UBR4: variants seen among roughly 807,000 people sequenced by gnomAD.
UBR4 encodes ubiquitin protein ligase E3 component n-recognin 4, also known as E3 ubiquitin-protein ligase UBR4.
UBR4 carries 124 observed loss-of-function variants against 575.6 expected under a neutral mutation model. That is an observed-to-expected ratio of 0.22 (90% CI 0.19 to 0.25). UBR4 has a LOEUF of 0.25. Ranked by LOEUF, UBR4 falls within the 10% of genes least tolerant of loss-of-function variation. The probability of loss-of-function intolerance (pLI) is 1.00; values close to 1 mark genes in which losing one functional copy is unlikely to be tolerated. For missense variants in UBR4, 4,818 were observed against 6,478.8 expected (o/e 0.74, Z 8.80); for synonymous variants, 2,455 against 2,473.7 (o/e 0.99, Z 0.22).
intron 104 of UBR4, 81 bp downstream of exon 104, chr1:19,077,895 T>C (rs1251674098): frequency 1.9e-6 from 3 of 1,609,198 alleles, no homozygotes; most frequent in African/African-American, 1.3e-5. Context: ...GCCATGTGGG[T>C]GCTGAGGCAG....
intron 93 of UBR4, 75 bp downstream of exon 93, chr1:19,095,470 G>A (rs2077942206): frequency 2.2e-6 from 3 of 1,394,440 alleles, no homozygotes; most frequent in South Asian, 2.3e-5. Context: ...TTTCATCTGA[G>A]CCCAGAACTG....
Position 19,168,224 on chromosome 1 carries a change from T to C in UBR4, c.3742-40A>G, listed in dbSNP as rs191568471. On this transcript the variant is annotated intron_variant, in intron 27 of 105. Coordinates refer to ENST00000375254, the MANE Select transcript of UBR4 (RefSeq NM_020765.3). ...AGCAGATGTAAATGGATAGACCATC[T>C]ACCCTGGAAAAAATTCTCACATGGA... 200 of 1,485,154 alleles carry C rather than the reference T, an allele frequency of 1.3e-4. No individual in the cohort carries two copies. The East Asian group carries it at 4.0e-3, about 29-fold the overall frequency. The allele number at this position is 1,485,154 out of a possible 1,614,324, so 92.0% of individuals were successfully genotyped here. A position where few individuals can be genotyped will look rare whatever the true frequency, so the allele number is the denominator to read the frequency against.
chr1:19,162,334 A>C, intron 35 of UBR4, 86 bp downstream of exon 35: 10 of 1,480,052 alleles, frequency 6.8e-6, no homozygotes, highest in Non-Finnish European at 9.1e-6. Context: ...AGCTCACAGG[A>C]GGCTGGAAAA....
chr1:19,153,010 A>T lies in UBR4; in HGVS notation c.6832+291T>A, dbSNP rs1472153258. The stretch of plus-strand genomic sequence containing the variant: ...AACCAGCTGAAGAGGTCTATACTTC[A>T]ATCAGTTCTTCAGGGAAGTCATTCT... On this transcript the variant is annotated intron_variant, in intron 46 of 105. Coordinates refer to ENST00000375254, the MANE Select transcript of UBR4 (RefSeq NM_020765.3). This position sits in a 1 kb window ranked among gnomAD's most constrained non-coding sequence, Gnocchi z 4.1. Among the ~76,000 whole-genome samples, 2 of 152,198 alleles carry T rather than the reference A, an allele frequency of 1.3e-5. No individual in the cohort carries two copies. The highest frequency in any genetic ancestry group is 1.3e-4 in the Admixed American group (2 of 15,278).
At chr1:19,091,282 T>C (rs1353964455) in intron 97 of UBR4, among the ~76,000 whole-genome samples, 4 of 152,098 alleles carry the variant, frequency 2.6e-5, no homozygotes, top group East Asian at 1.9e-4. Context: ...CACAAATATA[T>C]ACAATTATGA....
chr1:19,112,444 G>A (rs1025582884), intron 78 of UBR4, 80 bp downstream of exon 78: 2 of 1,477,682 alleles, frequency 1.4e-6, no homozygotes, highest in Non-Finnish European at 1.8e-6. Context: ...GCACTATTCT[G>A]TGCACTCTCT....
In UBR4 at chr1:19,074,820, G is replaced by A. The variant is rs1432932918; in HGVS notation, c.*12C>T. The A allele has an allele frequency of 1.9e-6, 3 of 1,613,980 alleles. No individual in the cohort carries two copies. Among genetic ancestry groups the A allele is most frequent in the Non-Finnish European group, 2.5e-6 (3 of 1,179,954 alleles). On this transcript the variant is annotated 3_prime_UTR_variant, in exon 106 of 106. Transcript: ENST00000375254. ...CAGCTTCGTCTTCGCCGCCGCAGCT[G>A]CTGTGTGGTGGTCAGGGGACTGAGT... is the stretch of plus-strand genomic sequence containing the variant.
Position 19,087,934 on chromosome 1 carries a change from A to G in UBR4, c.14431-5T>C. On this transcript the variant is annotated splice_polypyrimidine_tract_variant and splice_region_variant and intron_variant, in intron 98 of 105. Transcript: ENST00000375254. ...GACCTGGCCCTTTTCATTTGTCTGT[A>G]GGGGAACCCCGGTGGCATGTCAAGG... The G allele has an allele frequency of 6.3e-7, 1 of 1,598,764 alleles. No homozygotes were observed. The highest frequency in any genetic ancestry group is 8.5e-7 in the Non-Finnish European group (1 of 1,169,996).
chr1:19,124,096 C>T (rs2081472952), intron 65 of UBR4, among the ~76,000 whole-genome samples: 1 of 152,232 alleles, frequency 6.6e-6, no homozygotes, highest in Admixed American at 6.5e-5. Context: ...CTCCCAGCAT[C>T]AACCGCATCA....
rs1276776815 is a variant in UBR4 at position 19,121,954 on chromosome 1, T to C, written c.9875A>G (p.Lys3292Arg). The change falls in exon 67 of 106, where the codon AAA (lysine) becomes AGA (arginine). Residue 3292 changes from lysine (K) to arginine (R), a missense_variant. Physicochemically the swap from Lys to Arg is conservative, Grantham distance 26. This residue lies in a region of UBR4 where 550 missense variants were observed against 791.5 expected (regional missense o/e 0.69). Transcript: ENST00000375254. ...CTTACAGTCATCTTTGATGCAGAAT[T>C]TCTGCCAGTTGATGGTTCGCTGGGC... ...IAAQRTINWQKFCIKDDSVLY... is the reference protein window; with the variant it reads ...IAAQRTINWQRFCIKDDSVLY... 1 of 1,614,184 alleles carries C rather than the reference T, an allele frequency of 6.2e-7. No individual in the cohort carries two copies.
intron 11 of UBR4, among the ~76,000 whole-genome samples, chr1:19,188,510 T>C (rs1390676848): frequency 6.6e-6 from 1 of 152,140 alleles, no homozygotes; most frequent in Non-Finnish European, 1.5e-5. Context: ...ACTGTGTTCA[T>C]ACTACTGCAC....
At chr1:19,146,107 C>T (rs750920253) in intron 52 of UBR4, 174 bp from the exon 53 acceptor site, 1 of 1,547,548 alleles carries the variant, frequency 6.5e-7, no homozygotes, top group South Asian at 1.2e-5. Context: ...AAAAAACAGT[C>T]TGGGAAAGGA....
chr1:19,173,066 T>C lies in UBR4; in HGVS notation c.3319A>G (p.Thr1107Ala), dbSNP rs16862578. ...ATTTCATGCAGCTGCAAGATGGTGG[T>C]ACAGTCGATACTACAGAAGGATGAG... ...QISSFCSIDC[T>A]TILQLHEIPS... Residue 1107 changes from threonine to alanine, a missense_variant, in exon 25 of 106, where the codon ACC (threonine) becomes GCC (alanine). By Grantham distance (58) the Thr-to-Ala change is moderately conservative. Transcript: ENST00000375254. 0.15 allele frequency: 247,713 copies of C among 1,613,970 alleles called. 20,707 individuals carry two copies. The highest frequency in any genetic ancestry group is 0.26 in the African/African-American group (19,296 of 74,960).
At chr1:19,086,580 TA>T in intron 100 of UBR4, 98 bp downstream of exon 100, 3 of 1,512,984 alleles carry the variant, frequency 2.0e-6, no homozygotes, top group Non-Finnish European at 2.7e-6. Context: ...CTCCAGAGAC[TA>T]AGGAGCAGAT....
At chr1:19,190,312 A>AAAATATATATATATATAT in intron 11 of UBR4, among the ~76,000 whole-genome samples, 1 of 79,908 alleles carries the variant, frequency 1.3e-5, no homozygotes, top group African/African-American at 5.3e-5. Flanking sequence ...AAAAAAAAAA[A>AAAATATATATATATATAT]ATATATATAT....
chr1:19,183,772 T>A (rs1349510626), intron 17 of UBR4, 39 bp downstream of exon 17: 1 of 1,591,808 alleles, frequency 6.3e-7, no homozygotes, highest in Admixed American at 1.7e-5. Context: ...GAAGCTGGTG[T>A]CATGAGCTCT....
intron 78 of UBR4, among the ~76,000 whole-genome samples, chr1:19,111,424 T>C (rs1416372620): frequency 1.3e-5 from 2 of 152,190 alleles, no homozygotes; most frequent in African/African-American, 2.4e-5. Context: ...TGTCTCCAGC[T>C]ACACGGGTTC....
At chr1:19,128,452 T>C in intron 61 of UBR4, 134 bp from the exon 62 acceptor site, 1 of 744,268 alleles carries the variant, frequency 1.3e-6, no homozygotes, top group Non-Finnish European at 2.2e-6. Flanking sequence ...TATAGCGTTC[T>C]AAATTCCAGG....
intron 11 of UBR4, among the ~76,000 whole-genome samples, chr1:19,187,790 C>T (rs1354119434): frequency 3.9e-5 from 6 of 152,044 alleles, no homozygotes; most frequent in East Asian, 3.9e-4. Context: ...AGGCTGGGCA[C>T]GGTGGCTCAC....
Sources: allele counts gnomAD v4.1 joint callset (sites outside exome capture counted in the v4.1 genomes callset), GRCh38; gene constraint gnomAD v4.1.1; regional missense constraint gnomAD v4.1.1; non-coding constraint Gnocchi (gnomAD v3.1); transcripts MANE v1.5; gene names NCBI Gene and HGNC (gene_info 2026-07-23, HGNC 2026-07-21).